MEIS2: variants seen among roughly 807,000 people sequenced by gnomAD.
MEIS2 encodes the protein homeobox protein Meis2.
A neutral mutation model predicts 58.6 loss-of-function variants in MEIS2; 9 were observed. The ratio of observed to expected loss-of-function variants is 0.15; its 90% CI spans 0.09 to 0.27. The LOEUF (loss-of-function observed/expected upper bound fraction) is 0.27, where lower values mean the gene tolerates loss of function less well. Ranked by LOEUF, MEIS2 falls within the 10% of genes least tolerant of loss-of-function variation. The pLI is 1.00. For synonymous variants in MEIS2, 221 were observed against 228.4 expected, an observed-to-expected ratio of 0.97 and a Z score of 0.29; for missense variants, 427 against 635.0, an observed-to-expected ratio of 0.67 and a Z score of 3.52.
At chr15:36,991,571 A>G (rs2060274968) in intron 8 of MEIS2, among the ~76,000 whole-genome samples, 1 of 152,122 alleles carries the variant, frequency 6.6e-6, no homozygotes, top group South Asian at 2.1e-4. Context: ...CCTGAAGAAA[A>G]TAAATACAAA....
chr15:36,920,227 G>T (rs1031134945), intron 9 of MEIS2, among the ~76,000 whole-genome samples: 1 of 151,836 alleles, frequency 6.6e-6, no homozygotes. Context: ...TTGGCTCACC[G>T]CAACCTCCAC....
intron 9 of MEIS2, among the ~76,000 whole-genome samples, chr15:36,907,174 G>A (rs1427826341): frequency 6.6e-6 from 1 of 152,144 alleles, no homozygotes; most frequent in Non-Finnish European, 1.5e-5. Context: ...TTTTCTCCAG[G>A]TAGTGACAAC....
At chr15:36,912,060 T>TA (rs929807881) in intron 9 of MEIS2, among the ~76,000 whole-genome samples, 5 of 151,392 alleles carry the variant, frequency 3.3e-5, no homozygotes, top group East Asian at 1.9e-4. Flanking sequence ...CTAGGGGGGA[T>TA]AAAAAAACCT....
intron 7 of MEIS2, among the ~76,000 whole-genome samples, chr15:37,071,074 G>C (rs1890642016): frequency 6.6e-6 from 1 of 151,884 alleles, no homozygotes; most frequent in African/African-American, 2.4e-5. Context: ...CTATTACCTA[G>C]CAAATCAAGC....
At chr15:36,991,783 CTTTT>C (rs11285545) in intron 8 of MEIS2, among the ~76,000 whole-genome samples, 2 of 51,036 alleles carry the variant, frequency 3.9e-5, no homozygotes, top group African/African-American at 1.5e-4. Context: ...TTTTTTTTTT[CTTTT>C]TTTTTTTTTT....
intron 9 of MEIS2, among the ~76,000 whole-genome samples, chr15:36,945,984 G>C (rs1424003782): frequency 6.6e-6 from 1 of 151,968 alleles, no homozygotes; most frequent in Non-Finnish European, 1.5e-5. Flanking sequence ...AATTACTGCA[G>C]TGACATGAGT....
At chr15:37,084,553 G>A (rs1028444529) in intron 6 of MEIS2, among the ~76,000 whole-genome samples, 3 of 152,086 alleles carry the variant, frequency 2.0e-5, no homozygotes, top group Non-Finnish European at 2.9e-5. Context: ...GGAAACATGT[G>A]TGAACTACTG....
chr15:36,915,410 T>A (rs1445365182), intron 9 of MEIS2, among the ~76,000 whole-genome samples: 2 of 152,204 alleles, frequency 1.3e-5, no homozygotes, highest in Non-Finnish European at 2.9e-5. Flanking sequence ...TTTTCATTAT[T>A]ATGGGGATTT....
At chr15:36,953,491 C>T (rs1369295956) in intron 8 of MEIS2, among the ~76,000 whole-genome samples, 1 of 152,194 alleles carries the variant, frequency 6.6e-6, no homozygotes, top group East Asian at 1.9e-4. Context: ...TGTTGGGGGC[C>T]AACCCACTCT....
intron 7 of MEIS2, among the ~76,000 whole-genome samples, chr15:37,037,973 G>A (rs1019823787): frequency 4.6e-5 from 7 of 152,280 alleles, no homozygotes; most frequent in Admixed American, 6.5e-5. Context: ...CTTTATAGAT[G>A]GCTGTGTTTT....
intron 7 of MEIS2, among the ~76,000 whole-genome samples, chr15:37,040,047 G>GTTTTTTTT (rs11393172): frequency 1.4e-5 from 2 of 145,108 alleles, no homozygotes; most frequent in Non-Finnish European, 1.5e-5. Context: ...GGATATTGGT[G>GTTTTTTTT]TTTTTTTTTT....
chr15:36,925,454 C>T (rs1853872864), intron 9 of MEIS2, among the ~76,000 whole-genome samples: 1 of 152,226 alleles, frequency 6.6e-6, no homozygotes. Flanking sequence ...AGAGACCACA[C>T]AAGGGTGAGG....
chr15:37,062,479 A>C (rs1889349253), intron 7 of MEIS2, among the ~76,000 whole-genome samples: 1 of 152,240 alleles, frequency 6.6e-6, no homozygotes, highest in Non-Finnish European at 1.5e-5. Flanking sequence ...GGATGTAGTC[A>C]AAGAGACAGA....
intron 8 of MEIS2, among the ~76,000 whole-genome samples, chr15:36,954,343 G>A (rs2058876162): frequency 6.6e-6 from 1 of 151,056 alleles, no homozygotes; most frequent in Non-Finnish European, 1.5e-5. Flanking sequence ...ATCATGTTGT[G>A]TAGGGCATCG....
At chr15:37,098,867 C>T in intron 1 of MEIS2, 1 of 975,604 alleles carries the variant, frequency 1.0e-6, no homozygotes, top group Non-Finnish European at 1.2e-6. Context: ...GGGCAGGGAG[C>T]GGAGGGTGGG....
At chr15:37,095,482 C>T (rs1213901787) in intron 4 of MEIS2, 82 bp downstream of exon 4, 1 of 1,603,484 alleles carries the variant, frequency 6.2e-7, no homozygotes, top group Non-Finnish European at 8.5e-7. Context: ...TTCTAACTCC[C>T]CAGAGCTCCA....
At chr15:36,985,078 AT>A (rs772734332) in intron 8 of MEIS2, among the ~76,000 whole-genome samples, 1 of 151,874 alleles carries the variant, frequency 6.6e-6, no homozygotes, top group African/African-American at 2.4e-5. Flanking sequence ...AGAATTTGTG[AT>A]TTTTTTCCCT....
intron 7 of MEIS2, among the ~76,000 whole-genome samples, chr15:37,069,329 T>C (rs758840216): frequency 1.3e-5 from 2 of 152,210 alleles, no homozygotes; most frequent in Non-Finnish European, 2.9e-5. Flanking sequence ...TGTTCCTATG[T>C]ATAAAATAGG....
chr15:36,925,833 C>A (rs1428992036), intron 9 of MEIS2, among the ~76,000 whole-genome samples: 1 of 152,136 alleles, frequency 6.6e-6, no homozygotes, highest in African/African-American at 2.4e-5. Flanking sequence ...TGTGTGACAT[C>A]TTCGCTCGTT....
Sources: gnomAD v4.1 joint callset for allele counts (sites outside exome capture counted in the v4.1 genomes callset) on GRCh38, gnomAD v4.1.1 for gene constraint, MANE v1.5 for transcripts, NCBI Gene and HGNC (gene_info 2026-07-23, HGNC 2026-07-21) for gene names.